MARS2: variants seen among roughly 807,000 people sequenced by gnomAD.
MARS2 encodes the protein methionyl-tRNA synthetase 2, mitochondrial.
In MARS2, 33 loss-of-function variants were observed where a neutral mutation model predicts 43.8. The ratio of observed to expected loss-of-function variants is 0.75; its 90% CI spans 0.57 to 1.01. The LOEUF (loss-of-function observed/expected upper bound fraction) is 1.01, where lower values mean the gene tolerates loss of function less well. Ranked by LOEUF, MARS2 falls within the 50% of genes least tolerant of loss-of-function variation. MARS2 has a pLI of 0.00. For missense variants in MARS2, 720 were observed against 763.0 expected (o/e 0.94, Z 0.66); for synonymous variants, 351 against 325.5 (o/e 1.08, Z -0.84).
chr2:197,708,160 T>G lies in MARS2; in HGVS notation c.*973T>G. 1 of 167,344 alleles carries G rather than the reference T, an allele frequency of 6.0e-6. No individual in the cohort carries two copies. 10.4% of individuals were successfully genotyped at this position (167,344 alleles called of 1,614,324 possible). On this transcript the variant is annotated 3_prime_UTR_variant, in exon 1 of 1. Transcript: ENST00000282276. ...GTTACAGGTATGATTTAAAAATTTG[T>G]AAATAGTTCAAAAGGGCAATGTTTT...
Position 197,705,942 on chromosome 2 carries a change from G to A in MARS2, c.537G>A (p.Glu179=), listed in dbSNP as rs144268706. 1.9e-6 allele frequency: 3 copies of A among 1,614,038 alleles called. No homozygotes were observed. Among genetic ancestry groups the A allele is most frequent in the Non-Finnish European group, 2.5e-6 (3 of 1,179,974 alleles). The part of the protein sequence containing the change: ...YCASDECFLP[E]AKVTQQPGPS... ...CTTCCGACGAGTGCTTCCTGCCTGA[G>A]GCCAAGGTCACCCAGCAGCCGGGCC... Residue 179 remains glutamate (E), a synonymous_variant, in exon 1 of 1, where the codon GAG becomes GAA. Coordinates refer to ENST00000282276, the MANE Select transcript of MARS2 (RefSeq NM_138395.4).
chr2:197,705,594 G>C lies in MARS2; in HGVS notation c.189G>C (p.Leu63=), dbSNP rs1296600426. ...YVNAAPHIGH[L]YSALLADALC... is the part of the protein sequence containing the mutation. ...ACGCGGCGCCGCACATCGGGCACCTGTACTCGGCACTACTGGCGGACGCCC... is the reference window on the plus strand; with the variant it reads ...ACGCGGCGCCGCACATCGGGCACCTCTACTCGGCACTACTGGCGGACGCCC... Residue 63 remains leucine, a synonymous_variant, in exon 1 of 1, where the codon CTG becomes CTC. Transcript: ENST00000282276. 4.3e-6 allele frequency: 7 copies of C among 1,613,034 alleles called. No individual in the cohort carries two copies. Among genetic ancestry groups the C allele is most frequent in the Non-Finnish European group, 5.9e-6 (7 of 1,179,944 alleles).
Position 197,706,017 on chromosome 2 carries a change from C to T in MARS2, c.612C>T (p.Ser204=), listed in dbSNP as rs1035209222. The change falls in exon 1 of 1, where the codon TCC becomes TCT. Residue 204 remains serine, a synonymous_variant. Coordinates refer to ENST00000282276, the MANE Select transcript of MARS2 (RefSeq NM_138395.4). ...CTCTCGAGAGCGGGCATCCAGTCTC[C>T]TGGACCAAGGAAGAAAACTACATTT... ...PVSLESGHPV[S]WTKEENYIFR... 7.4e-6 allele frequency: 12 copies of T among 1,614,226 alleles called. No individual in the cohort carries two copies. The highest frequency in any genetic ancestry group is 1.0e-5 in the Non-Finnish European group (12 of 1,180,052).
At position 197,706,637 on chromosome 2, in the gene MARS2, C is replaced by T; in HGVS notation, c.1232C>T (p.Thr411Ile). 6.2e-7 allele frequency: 1 copy of T among 1,614,234 alleles called. No individual in the cohort carries two copies. Among genetic ancestry groups the T allele is most frequent in the Non-Finnish European group, 8.5e-7 (1 of 1,180,050 alleles). The change falls in exon 1 of 1, where the codon ACT (threonine) becomes ATT (isoleucine). Residue 411 changes from threonine to isoleucine, a missense_variant. Physicochemically the swap from Thr to Ile is moderately conservative, Grantham distance 89. Transcript: ENST00000282276. ...DALGGLLNRC[T>I]AKRINPSETY... is the part of the protein sequence containing the mutation. ...TTGGGAGGTCTCTTGAACCGATGCA[C>T]TGCCAAAAGAATAAATCCTTCTGAG...
Position 197,706,969 on chromosome 2 carries a change from A to T in MARS2, c.1564A>T (p.Thr522Ser), listed in dbSNP as rs1574776436. 1.2e-6 allele frequency: 2 copies of T among 1,614,082 alleles called. No individual in the cohort carries two copies. The highest frequency in any genetic ancestry group is 1.7e-6 in the Non-Finnish European group (2 of 1,180,018). ...VALECLRVFG[T>S]LLQPVTPSLA... ...CTTGGAATGTTTGCGAGTCTTTGGGACTTTGCTGCAGCCTGTCACCCCAAG... is the reference window on the plus strand; with the variant it reads ...CTTGGAATGTTTGCGAGTCTTTGGGTCTTTGCTGCAGCCTGTCACCCCAAG... The change falls in exon 1 of 1, where the codon ACT (threonine) becomes TCT (serine). Residue 522 changes from threonine to serine, a missense_variant. Thr to Ser is a moderately conservative substitution (Grantham distance 58). Coordinates refer to ENST00000282276, the MANE Select transcript of MARS2 (RefSeq NM_138395.4).
In MARS2 at chr2:197,706,878, A is replaced by G. The variant is rs1269357148; in HGVS notation, c.1473A>G (p.Ala491=). The G allele has an allele frequency of 6.2e-7, 1 of 1,614,078 alleles. No homozygotes were observed. Residue 491 remains alanine (A), a synonymous_variant, in exon 1 of 1, where the codon GCA becomes GCG. Transcript: ENST00000282276. ...RQTNGFVQRH[A]PWKLNWESPV... ...CTAATGGTTTTGTCCAAAGGCATGCACCATGGAAGCTGAACTGGGAGAGCC... is the reference window on the plus strand; with the variant it reads ...CTAATGGTTTTGTCCAAAGGCATGCGCCATGGAAGCTGAACTGGGAGAGCC...
chr2:197,706,809 G>T lies in MARS2; in HGVS notation c.1404G>T (p.Arg468=). The T allele has an allele frequency of 6.2e-7, 1 of 1,614,090 alleles. No individual in the cohort carries two copies. Among genetic ancestry groups the T allele is most frequent in the Non-Finnish European group, 8.5e-7 (1 of 1,180,040 alleles). The part of the protein sequence containing the change: ...KQVADHYDNF[R]IYKALEAVSS... ...TAGCAGACCACTATGATAACTTTCGGATATATAAGGCTCTGGAGGCCGTGT... is the reference window on the plus strand; with the variant it reads ...TAGCAGACCACTATGATAACTTTCGTATATATAAGGCTCTGGAGGCCGTGT... Residue 468 remains arginine, a synonymous_variant, in exon 1 of 1, where the codon CGG becomes CGT. Transcript: ENST00000282276.
At position 197,706,672 on chromosome 2, in the gene MARS2, G is replaced by A; in HGVS notation, c.1267G>A (p.Ala423Thr). Reference protein sequence around the residue: ...KRINPSETYPAFCTTCFPSEP... With the variant: ...KRINPSETYPTFCTTCFPSEP... ...AATAAATCCTTCTGAGACCTACCCA[G>A]CCTTCTGCACTACCTGCTTCCCTAG... The change falls in exon 1 of 1, where the codon GCC (alanine) becomes ACC (threonine). Residue 423 changes from alanine to threonine, a missense_variant. Transcript: ENST00000282276. The A allele has an allele frequency of 6.2e-7, 1 of 1,614,122 alleles. No individual in the cohort carries two copies.
At position 197,706,932 on chromosome 2, in the gene MARS2, G is replaced by C. The variant is rs1329834538; in HGVS notation, c.1527G>C (p.Val509=). Residue 509 remains valine, a synonymous_variant, in exon 1 of 1, where the codon GTG becomes GTC. Coordinates refer to ENST00000282276, the MANE Select transcript of MARS2 (RefSeq NM_138395.4). Reference sequence around the variant, plus strand: ...TGGATGCTCCCTGGCTGGGTACTGTGCTTCATGTGGCCTTGGAATGTTTGC... The same window carrying C: ...TGGATGCTCCCTGGCTGGGTACTGTCCTTCATGTGGCCTTGGAATGTTTGC... ...SPVDAPWLGT[V]LHVALECLRV... 1 of 1,614,076 alleles carries C rather than the reference G, an allele frequency of 6.2e-7. No individual in the cohort carries two copies. Among genetic ancestry groups the C allele is most frequent in the Non-Finnish European group, 8.5e-7 (1 of 1,180,056 alleles).
Position 197,705,444 on chromosome 2 carries a change from G to T in MARS2, c.39G>T (p.Thr13=). 1.2e-6 allele frequency: 2 copies of T among 1,612,308 alleles called. No homozygotes were observed. The highest frequency in any genetic ancestry group is 1.7e-6 in the Non-Finnish European group (2 of 1,179,822). The change falls in exon 1 of 1, where the codon ACG becomes ACT. Residue 13 remains threonine, a synonymous_variant. Transcript: ENST00000282276. ...CCGTCCTCCGCCTGCTAGGACGCAC[G>T]GGGGCTAGTAGGCTGTCTCTCCTGG... The part of the protein sequence containing the change: ...RTSVLRLLGR[T]GASRLSLLED...
Position 197,705,582 on chromosome 2 carries a change from C to A in MARS2, c.177C>A (p.His59Gln). ...TPIFYVNAAPHIGHLYSALLA... is the reference protein window; with the variant it reads ...TPIFYVNAAPQIGHLYSALLA... ...TTTTCTACGTGAACGCGGCGCCGCA[C>A]ATCGGGCACCTGTACTCGGCACTAC... The change falls in exon 1 of 1, where the codon CAC (histidine) becomes CAA (glutamine). Residue 59 changes from histidine (H) to glutamine (Q), a missense_variant. By Grantham distance (24) the His-to-Gln change is conservative (BLOSUM62 0). Coordinates refer to ENST00000282276, the MANE Select transcript of MARS2 (RefSeq NM_138395.4). The A allele has an allele frequency of 6.2e-7, 1 of 1,613,246 alleles. No homozygotes were observed. The highest frequency in any genetic ancestry group is 8.5e-7 in the Non-Finnish European group (1 of 1,179,966).
chr2:197,706,249 G>T lies in MARS2; in HGVS notation c.844G>T (p.Ala282Ser), dbSNP rs770416302. 1 of 1,614,240 alleles carries T rather than the reference G, an allele frequency of 6.2e-7. No homozygotes were observed. Among genetic ancestry groups the T allele is most frequent in the Non-Finnish European group, 8.5e-7 (1 of 1,180,048 alleles). ...GCAGACCATCTATGTATGGCTGGAT[G>T]CCCTGGTCAACTACCTCACTGTAAT... ...DSQTIYVWLD[A>S]LVNYLTVIGY... The change falls in exon 1 of 1, where the codon GCC becomes TCC. Residue 282 changes from alanine (A) to serine (S), a missense_variant. Physicochemically the swap from Ala to Ser is moderately conservative, Grantham distance 99 (BLOSUM62 1). Transcript: ENST00000282276.
At position 197,707,116 on chromosome 2, in the gene MARS2, C is replaced by T; in HGVS notation, c.1711C>T (p.Pro571Ser). The change falls in exon 1 of 1, where the codon CCT (proline) becomes TCT (serine). Residue 571 changes from proline to serine, a missense_variant. Physicochemically the swap from Pro to Ser is moderately conservative, Grantham distance 74. Coordinates refer to ENST00000282276, the MANE Select transcript of MARS2 (RefSeq NM_138395.4). ...PCPFEGRRLG[P>S]ETGLLFPRLD... The stretch of plus-strand genomic sequence containing the variant: ...CCCTTTTGAAGGGAGGAGGCTGGGA[C>T]CTGAAACTGGGCTTTTGTTTCCAAG... The T allele has an allele frequency of 6.2e-7, 1 of 1,614,112 alleles. No individual in the cohort carries two copies. Among genetic ancestry groups the T allele is most frequent in the Non-Finnish European group, 8.5e-7 (1 of 1,180,030 alleles).
rs769482422 is a variant in MARS2, at chr2:197,705,553, C to T, written c.148C>T (p.Pro50Ser). The change falls in exon 1 of 1, where the codon CCC becomes TCC. Residue 50 changes from proline to serine, a missense_variant. Physicochemically the swap from Pro to Ser is moderately conservative, Grantham distance 74. Transcript: ENST00000282276. ...ACDVRAYFTT[P>S]IFYVNAAPHI... Reference sequence around the variant, plus strand: ...TGATGTGCGCGCCTACTTCACTACACCCATTTTCTACGTGAACGCGGCGCC... The same window carrying T: ...TGATGTGCGCGCCTACTTCACTACATCCATTTTCTACGTGAACGCGGCGCC... 17 of 1,613,252 alleles carry T rather than the reference C, an allele frequency of 1.1e-5. No individual in the cohort carries two copies. The South Asian group carries it at 1.8e-4, about 17-fold the overall frequency.
Position 197,706,565 on chromosome 2 carries a change from A to G in MARS2, c.1160A>G (p.Tyr387Cys), listed in dbSNP as rs903614579. 1.2e-6 allele frequency: 2 copies of G among 1,614,122 alleles called. No individual in the cohort carries two copies. Among genetic ancestry groups the G allele is most frequent in the Admixed American group, 1.7e-5 (1 of 60,010 alleles). ...QGVPNWDCDY[Y>C]DEKVVKLLNS... is the part of the protein sequence containing the mutation. Reference sequence around the variant, plus strand: ...GTCCCCAACTGGGACTGTGACTACTATGATGAAAAGGTGGTTAAGTTGCTG... The same window carrying G: ...GTCCCCAACTGGGACTGTGACTACTGTGATGAAAAGGTGGTTAAGTTGCTG... The change falls in exon 1 of 1, where the codon TAT (tyrosine) becomes TGT (cysteine). Residue 387 changes from tyrosine (Y) to cysteine (C), a missense_variant. Coordinates refer to ENST00000282276, the MANE Select transcript of MARS2 (RefSeq NM_138395.4).
Position 197,705,478 on chromosome 2 carries a change from G to A in MARS2, c.73G>A (p.Gly25Ser), listed in dbSNP as rs776074530. The change falls in exon 1 of 1, where the codon GGC (glycine) becomes AGC (serine). Residue 25 changes from glycine to serine, a missense_variant. Transcript: ENST00000282276. ...ASRLSLLEDF[G>S]PRYYSSGSLS... ...TAGGCTGTCTCTCCTGGAGGACTTC[G>A]GCCCACGCTACTACAGTTCGGGCTC... 1 of 1,613,078 alleles carries A rather than the reference G, an allele frequency of 6.2e-7. No homozygotes were observed. The highest frequency in any genetic ancestry group is 2.2e-5 in the East Asian group (1 of 44,870).
In MARS2 at chr2:197,706,102, A is replaced by G. The variant is rs150082953; in HGVS notation, c.697A>G (p.Ile233Val). Residue 233 changes from isoleucine (I) to valine (V), a missense_variant, in exon 1 of 1, where the codon ATC becomes GTC. Coordinates refer to ENST00000282276, the MANE Select transcript of MARS2 (RefSeq NM_138395.4). ...GTGGCTGCGGGGCAACCCTCAGGCGATCACCCCCGAACCATTTCATCACGT... is the reference window on the plus strand; with the variant it reads ...GTGGCTGCGGGGCAACCCTCAGGCGGTCACCCCCGAACCATTTCATCACGT... ...QRWLRGNPQA[I>V]TPEPFHHVVL... The G allele has an allele frequency of 2.1e-4, 340 of 1,613,978 alleles. No individual in the cohort carries two copies. The highest frequency in any genetic ancestry group is 1.0e-4 in the Admixed American group (6 of 60,006).
rs761024379 is a variant in MARS2, at chr2:197,706,664, C to T, written c.1259C>T (p.Thr420Ile). ...GCCAAAAGAATAAATCCTTCTGAGA[C>T]CTACCCAGCCTTCTGCACTACCTGC... The part of the protein sequence containing the change: ...CTAKRINPSE[T>I]YPAFCTTCFP... The change falls in exon 1 of 1, where the codon ACC becomes ATC. Residue 420 changes from threonine to isoleucine, a missense_variant. Transcript: ENST00000282276. The T allele has an allele frequency of 6.2e-7, 1 of 1,614,052 alleles. No individual in the cohort carries two copies. Among genetic ancestry groups the T allele is most frequent in the Non-Finnish European group, 8.5e-7 (1 of 1,180,050 alleles).
chr2:197,707,272 T>G lies in MARS2; in HGVS notation c.*85T>G. 1 of 1,266,750 alleles carries G rather than the reference T, an allele frequency of 7.9e-7. No individual in the cohort carries two copies. The highest frequency in any genetic ancestry group is 1.1e-6 in the Non-Finnish European group (1 of 915,676). The allele number at this position is 1,266,750 out of a possible 1,614,324, so 78.5% of individuals were successfully genotyped here. ...TTTTCAGGAAAGTTATACTAGTATT[T>G]TCTTAAGTGTGGAATCAAATGAGCA... On this transcript the variant is annotated 3_prime_UTR_variant, in exon 1 of 1. Coordinates refer to ENST00000282276, the MANE Select transcript of MARS2 (RefSeq NM_138395.4).
Sources: allele counts gnomAD v4.1 joint callset, GRCh38; gene constraint gnomAD v4.1.1; transcripts MANE v1.5; gene names NCBI Gene and HGNC (gene_info 2026-07-23, HGNC 2026-07-21).